Variants in RAPGEF1 observed in about 807,000 individuals in gnomAD.
The protein encoded by RAPGEF1 is CRK SH3-binding GNRP.
A neutral mutation model predicts 143.3 loss-of-function variants in RAPGEF1; 33 were observed. The ratio of observed to expected loss-of-function variants is 0.23; its 90% CI spans 0.17 to 0.31. RAPGEF1 has a LOEUF of 0.31. Among genes scored for constraint, RAPGEF1 ranks in the 10% least tolerant of loss-of-function variants. RAPGEF1 has a pLI of 1.00. For missense variants in RAPGEF1, 1,199 were observed against 1,645.4 expected, an observed-to-expected ratio of 0.73 and a Z score of 4.69; for synonymous variants, 629 against 676.5, an observed-to-expected ratio of 0.93 and a Z score of 1.09.
intron 17 of RAPGEF1, among the ~76,000 whole-genome samples, chr9:131,592,538 G>A (rs541769448): frequency 2.0e-5 from 3 of 152,134 alleles, no homozygotes; most frequent in Non-Finnish European, 4.4e-5. Flanking sequence ...TTAGGCTGAC[G>A]AGTGACGCCT....
chr9:131,597,708 A>G (rs1955540936), intron 16 of RAPGEF1, among the ~76,000 whole-genome samples: 1 of 152,066 alleles, frequency 6.6e-6, no homozygotes, highest in African/African-American at 2.4e-5. Context: ...CACAGTGTCC[A>G]GGCCTGAATT....
chr9:131,650,051 T>C lies in RAPGEF1; in HGVS notation c.315+78A>G. 1 of 1,229,718 alleles carries C rather than the reference T, an allele frequency of 8.1e-7. No homozygotes were observed. 76.2% of individuals were successfully genotyped at this position (1,229,718 alleles called of 1,614,324 possible). ...CATAATAATAGTGCAATAGAGTTTT[T>C]TCCATCCCCAAAACCATGGACCAGG... On this transcript the variant is annotated intron_variant, in intron 3 of 26. Coordinates refer to ENST00000683357, the MANE Select transcript of RAPGEF1 (RefSeq NM_001377935.1). This position sits in a 1 kb window ranked among gnomAD's most constrained non-coding sequence, Gnocchi z 4.7.
At position 131,583,463 on chromosome 9, in the gene RAPGEF1, C is replaced by T. The variant is rs905490516; in HGVS notation, c.3415-761G>A. On this transcript the variant is annotated intron_variant, in intron 24 of 26. Transcript: ENST00000683357. This position sits in a 1 kb window ranked among gnomAD's most constrained non-coding sequence, Gnocchi z 4.7. ...GCCTGGGTCACACTCGGGTTCCTGA[C>T]ACGACCCCCAGGTGGCCTGGCTGAC... Among the ~76,000 whole-genome samples, 6 of 149,962 alleles carry T rather than the reference C, an allele frequency of 4.0e-5. No homozygotes were observed. In the South Asian group the frequency reaches 6.4e-4, roughly 16 times the overall value.
intron 17 of RAPGEF1, among the ~76,000 whole-genome samples, chr9:131,595,785 G>A (rs374289096): frequency 6.6e-6 from 1 of 152,192 alleles, no homozygotes; most frequent in Non-Finnish European, 1.5e-5. Flanking sequence ...CACTGAATGC[G>A]TGGTAGGGTG....
chr9:131,639,437 A>AGT (rs3837234), intron 4 of RAPGEF1, among the ~76,000 whole-genome samples: 7,358 of 149,090 alleles, frequency 0.049, 344 homozygotes, highest in African/African-American at 0.12. Flanking sequence ...AACGCAGGTG[A>AGT]GTGTGTGTGT....
At chr9:131,730,651 C>G (rs1243150934) in intron 1 of RAPGEF1, among the ~76,000 whole-genome samples, 1 of 143,490 alleles carries the variant, frequency 7.0e-6, no homozygotes, top group African/African-American at 2.6e-5. Flanking sequence ...GCCGAGATCA[C>G]CCCATTGCAC....
intron 1 of RAPGEF1, among the ~76,000 whole-genome samples, chr9:131,692,832 C>T (rs1035332737): frequency 5.3e-5 from 8 of 152,158 alleles, no homozygotes; most frequent in Non-Finnish European, 2.9e-5. Context: ...AACAGAAATG[C>T]CACCTTCTAG....
chr9:131,636,054 T>C (rs1445359829), intron 5 of RAPGEF1, among the ~76,000 whole-genome samples: 10 of 152,190 alleles, frequency 6.6e-5, no homozygotes, highest in Non-Finnish European at 1.5e-4. Context: ...CTGGCCTGTC[T>C]CTTCCTTGGG....
At position 131,655,754 on chromosome 9, in the gene RAPGEF1, T is replaced by A. The variant is rs1466622954; in HGVS notation, c.62-4805A>T. Reference sequence around the variant, plus strand: ...GGCGACTGCCACCACGCCTGGCTAATTTTTTTGTATTTTTAGTAGAGACGG... The same window carrying A: ...GGCGACTGCCACCACGCCTGGCTAAATTTTTTGTATTTTTAGTAGAGACGG... On this transcript the variant is annotated intron_variant, in intron 1 of 26. Coordinates refer to ENST00000683357, the MANE Select transcript of RAPGEF1 (RefSeq NM_001377935.1). This position sits in a 1 kb window ranked among gnomAD's most constrained non-coding sequence, Gnocchi z 4.1. Among the ~76,000 whole-genome samples, 1 of 152,056 alleles carries A rather than the reference T, an allele frequency of 6.6e-6. No individual in the cohort carries two copies. The highest frequency in any genetic ancestry group is 1.5e-5 in the Non-Finnish European group (1 of 68,014).
chr9:131,693,156 A>C (rs1833900949), intron 1 of RAPGEF1, among the ~76,000 whole-genome samples: 1 of 152,204 alleles, frequency 6.6e-6, no homozygotes, highest in Non-Finnish European at 1.5e-5. Flanking sequence ...GGAATAATGG[A>C]AACTCCAAGA....
rs1189903347 is a variant in RAPGEF1, at chr9:131,703,069, C to A, written c.61+36701G>T. 5.3e-5 allele frequency among the ~76,000 whole-genome samples: 8 copies of A among 152,320 alleles called. No homozygotes were observed. The South Asian group carries it at 1.5e-3, about 28-fold the overall frequency. ...AAGACAGGGTCTCAGTTCACCCAGG[C>A]TGAAGTGCGGGGAGGATCACCTGAG... On this transcript the variant is annotated intron_variant, in intron 1 of 26. Coordinates refer to ENST00000683357, the MANE Select transcript of RAPGEF1 (RefSeq NM_001377935.1).
chr9:131,596,318 G>T lies in RAPGEF1; in HGVS notation c.2669C>A (p.Ala890Asp). The T allele has an allele frequency of 6.2e-7, 1 of 1,613,980 alleles. No individual in the cohort carries two copies. The highest frequency in any genetic ancestry group is 8.5e-7 in the Non-Finnish European group (1 of 1,179,880). ...GGSGDILLVH[A>D]TETDRKDLVL... ...CCTACCTTTCCTGTCAGTCTCAGTAGCATGGACCAGTAAGATGTCCCCAGA... is the reference window on the plus strand; with the variant it reads ...CCTACCTTTCCTGTCAGTCTCAGTATCATGGACCAGTAAGATGTCCCCAGA... Residue 890 changes from alanine (A) to aspartate (D), a missense_variant, in exon 17 of 27, where the codon GCT (alanine) becomes GAT (aspartate). This residue lies in a region of RAPGEF1 where 209 missense variants were observed against 403.0 expected (regional missense o/e 0.52). Transcript: ENST00000683357.
At chr9:131,639,439 T>TGTGTGC (rs1239425751) in intron 4 of RAPGEF1, among the ~76,000 whole-genome samples, 2 of 26,924 alleles carry the variant, frequency 7.4e-5, no homozygotes, top group Non-Finnish European at 3.4e-4. Context: ...CGCAGGTGAG[T>TGTGTGC]GTGTGTGTGT....
rs1202805988 is a variant in RAPGEF1 at position 131,641,811 on chromosome 9, C to T, written c.494+1428G>A. 1.3e-5 allele frequency among the ~76,000 whole-genome samples: 2 copies of T among 152,256 alleles called. No homozygotes were observed. The highest frequency in any genetic ancestry group is 2.9e-5 in the Non-Finnish European group (2 of 68,052). On this transcript the variant is annotated intron_variant, in intron 4 of 26. Coordinates refer to ENST00000683357, the MANE Select transcript of RAPGEF1 (RefSeq NM_001377935.1). The surrounding 1 kb of genome is among the most constrained non-coding windows in gnomAD (Gnocchi z 4.6). ...CCTTCCCGTCACCAACCAGCGCCAGCGAGCTTCTGGCCAAAAGACCACAGT... is the reference window on the plus strand; with the variant it reads ...CCTTCCCGTCACCAACCAGCGCCAGTGAGCTTCTGGCCAAAAGACCACAGT...
At chr9:131,735,982 T>C (rs188291340) in intron 1 of RAPGEF1, among the ~76,000 whole-genome samples, 67 of 152,350 alleles carry the variant, frequency 4.4e-4, no homozygotes, top group African/African-American at 1.4e-3. Flanking sequence ...TGCCAGTCTG[T>C]GCTTAAGCTC....
At chr9:131,634,687 T>C (rs970468019) in intron 5 of RAPGEF1, among the ~76,000 whole-genome samples, 1 of 112,630 alleles carries the variant, frequency 8.9e-6, no homozygotes, top group Non-Finnish European at 1.6e-5. Context: ...CACTCCAGCC[T>C]GGGCAACAAG....
At chr9:131,588,708 G>A (rs1273953277) in intron 20 of RAPGEF1, 93 bp downstream of exon 20, 23 of 1,338,984 alleles carry the variant, frequency 1.7e-5, no homozygotes, top group Non-Finnish European at 2.2e-5. Flanking sequence ...TGCAGAACCA[G>A]GATGGGGCTG....
intron 1 of RAPGEF1, among the ~76,000 whole-genome samples, chr9:131,712,847 T>C (rs1378048498): frequency 1.3e-5 from 2 of 152,192 alleles, no homozygotes; most frequent in Non-Finnish European, 2.9e-5. Context: ...AACTCCAATG[T>C]GAACTGTTCA....
intron 1 of RAPGEF1, among the ~76,000 whole-genome samples, chr9:131,724,519 C>T (rs1331318742): frequency 2.6e-5 from 4 of 151,948 alleles, no homozygotes; most frequent in South Asian, 2.1e-4. Flanking sequence ...GGCGTGAACC[C>T]GGGAGGCGGA....
Sources: allele counts gnomAD v4.1 joint callset (sites outside exome capture counted in the v4.1 genomes callset), GRCh38; gene constraint gnomAD v4.1.1; regional missense constraint gnomAD v4.1.1; non-coding constraint Gnocchi (gnomAD v3.1); transcripts MANE v1.5; gene names NCBI Gene and HGNC (gene_info 2026-07-23, HGNC 2026-07-21).